NCBP1: variants seen among roughly 807,000 people sequenced by gnomAD.
NCBP1 encodes nuclear cap binding protein subunit 1.
Under a neutral mutation model 111.7 loss-of-function variants are expected in NCBP1, and 16 were observed. The observed-to-expected ratio is 0.14, with a 90% CI of 0.10 to 0.22. The LOEUF (loss-of-function observed/expected upper bound fraction) is 0.22, where lower values mean the gene tolerates loss of function less well. Among genes scored for constraint, NCBP1 ranks in the 10% least tolerant of loss-of-function variants. The pLI is 1.00. For synonymous variants in NCBP1, 304 were observed against 314.3 expected, an observed-to-expected ratio of 0.97 and a Z score of 0.35; for missense variants, 607 against 957.5, an observed-to-expected ratio of 0.63 and a Z score of 4.83.
chr9:97,659,139 A>C (rs1827755596), intron 15 of NCBP1, among the ~76,000 whole-genome samples: 2 of 152,226 alleles, frequency 1.3e-5, no homozygotes, highest in African/African-American at 4.8e-5. Flanking sequence ...GTAAATTCTT[A>C]ATTATGATTT....
chr9:97,672,288 A>G lies in NCBP1; in HGVS notation c.*1089A>G, dbSNP rs1260419210. 6.6e-6 allele frequency: 1 copy of G among 152,040 alleles called. No individual in the cohort carries two copies. The highest frequency in any genetic ancestry group is 1.5e-5 in the Non-Finnish European group (1 of 67,972). The allele number at this position is 152,040 out of a possible 1,614,324, so 9.4% of individuals were successfully genotyped here. ...ACAACTACTGGTAGTGTTGTTGTGC[A>G]TTTGCACAAAATAGGTATAATTTTT... On this transcript the variant is annotated 3_prime_UTR_variant, in exon 23 of 23. Coordinates refer to ENST00000375147, the MANE Select transcript of NCBP1 (RefSeq NM_002486.5).
intron 10 of NCBP1, among the ~76,000 whole-genome samples, chr9:97,652,384 C>G (rs1438231749): frequency 6.6e-6 from 1 of 152,112 alleles, no homozygotes; most frequent in Non-Finnish European, 1.5e-5. Context: ...TTGCGGGGCT[C>G]AGGCAGGCTG....
At chr9:97,638,685 G>T (rs1032414880) in intron 1 of NCBP1, among the ~76,000 whole-genome samples, 1 of 152,146 alleles carries the variant, frequency 6.6e-6, no homozygotes, top group South Asian at 2.1e-4. Context: ...TCTAGAATAC[G>T]GTTTCTTAAC....
intron 1 of NCBP1, chr9:97,634,610 C>T (rs1826942787): frequency 6.6e-6 from 1 of 152,064 alleles, no homozygotes. Flanking sequence ...ATCAGTGTTG[C>T]CTTCATAAAG....
rs1564033016 is a variant in NCBP1, at chr9:97,672,092, C to T, written c.*893C>T. On this transcript the variant is annotated 3_prime_UTR_variant, in exon 23 of 23. Transcript: ENST00000375147. ...AGATTTTGTTTATATGGAACCTGATCCAAAAAACTACGAAGTCCTGAGCTT... is the reference window on the plus strand; with the variant it reads ...AGATTTTGTTTATATGGAACCTGATTCAAAAAACTACGAAGTCCTGAGCTT... 6.6e-6 allele frequency: 1 copy of T among 152,212 alleles called. No homozygotes were observed. The highest frequency in any genetic ancestry group is 1.9e-4 in the East Asian group (1 of 5,178). The allele number at this position is 152,212 out of a possible 1,614,324, so 9.4% of individuals were successfully genotyped here.
At chr9:97,653,754 A>T in intron 10 of NCBP1, 44 bp from the exon 11 acceptor site, 2 of 1,457,678 alleles carry the variant, frequency 1.4e-6, no homozygotes, top group Non-Finnish European at 1.9e-6. Context: ...TAGAAGTGCA[A>T]AGATAGCAGT....
chr9:97,647,132 G>C (rs1361232401), intron 6 of NCBP1, among the ~76,000 whole-genome samples: 1 of 151,970 alleles, frequency 6.6e-6, no homozygotes, highest in Non-Finnish European at 1.5e-5. Context: ...GAATATCTTT[G>C]TGTATATGTT....
rs900087413 is a variant in NCBP1 at position 97,671,405 on chromosome 9, C to T, written c.*206C>T. The T allele has an allele frequency of 7.9e-6, 4 of 505,062 alleles. No homozygotes were observed. Among genetic ancestry groups the T allele is most frequent in the African/African-American group, 3.9e-5 (2 of 51,138 alleles). 31.3% of individuals were successfully genotyped at this position (505,062 alleles called of 1,614,324 possible). A position where few individuals can be genotyped will look rare whatever the true frequency, so the allele number is the denominator to read the frequency against. On this transcript the variant is annotated 3_prime_UTR_variant, in exon 23 of 23. Coordinates refer to ENST00000375147, the MANE Select transcript of NCBP1 (RefSeq NM_002486.5). ...CCTAACGGCAGTAATGTGACTATGA[C>T]CATGATATATTATATATGTGACAGA... is the stretch of plus-strand genomic sequence containing the variant.
At chr9:97,665,824 C>T (rs1827984944) in intron 19 of NCBP1, among the ~76,000 whole-genome samples, 1 of 125,032 alleles carries the variant, frequency 8.0e-6, no homozygotes, top group Admixed American at 1.1e-4. Flanking sequence ...TAACTAGTAG[C>T]CTACTGTTGA....
chr9:97,655,845 TATTTA>T, intron 13 of NCBP1, 81 bp downstream of exon 13: 2 of 1,421,272 alleles, frequency 1.4e-6, no homozygotes, highest in Non-Finnish European at 1.9e-6. Context: ...GTGTCTGAAA[TATTTA>T]ATTTCTTGGA....
At chr9:97,658,966 C>G (rs1017399689) in intron 15 of NCBP1, among the ~76,000 whole-genome samples, 2 of 152,080 alleles carry the variant, frequency 1.3e-5, no homozygotes, top group Admixed American at 6.5e-5. Context: ...CATTTTTTCT[C>G]TTTTGAATGT....
chr9:97,638,199 C>A (rs550212993), intron 1 of NCBP1, among the ~76,000 whole-genome samples: 1 of 152,276 alleles, frequency 6.6e-6, no homozygotes, highest in East Asian at 1.9e-4. Context: ...GTAGTCTTCA[C>A]CCCTTTATAG....
intron 3 of NCBP1, among the ~76,000 whole-genome samples, chr9:97,642,502 A>G (rs769806569): frequency 6.6e-6 from 1 of 152,084 alleles, no homozygotes; most frequent in Admixed American, 6.6e-5. Context: ...AGCTAATTCT[A>G]AAGGCTGCCT....
In NCBP1 at chr9:97,671,108, A is replaced by T. The variant is rs775998628; in HGVS notation, c.2282A>T (p.Tyr761Phe). The T allele has an allele frequency of 1.4e-5, 23 of 1,612,186 alleles. No homozygotes were observed. The highest frequency in any genetic ancestry group is 1.9e-5 in the Non-Finnish European group (22 of 1,178,286). ...FLQHHQIIQQ[Y>F]MVTLENLLFT... ...CAGCATCACCAAATAATCCAGCAGT[A>T]CATGGTGACCCTGGAGAACCTTCTC... The change falls in exon 23 of 23, where the codon TAC (tyrosine) becomes TTC (phenylalanine). Residue 761 changes from tyrosine to phenylalanine, a missense_variant. Physicochemically the swap from Tyr to Phe is conservative, Grantham distance 22. This residue lies in a region of NCBP1 where 8 missense variants were observed against 35.0 expected (regional missense o/e 0.23). Transcript: ENST00000375147.
chr9:97,638,062 T>A (rs1158944743), intron 1 of NCBP1, among the ~76,000 whole-genome samples: 1 of 152,226 alleles, frequency 6.6e-6, no homozygotes, highest in Non-Finnish European at 1.5e-5. Context: ...ATACGTTTTC[T>A]TCAGGGTACA....
intron 1 of NCBP1, among the ~76,000 whole-genome samples, chr9:97,635,264 C>G (rs1342008141): frequency 1.3e-5 from 2 of 152,200 alleles, no homozygotes; most frequent in South Asian, 4.1e-4. Context: ...GGACAGCTGT[C>G]AGTTCCCAAA....
Position 97,671,473 on chromosome 9 carries a change from A to C in NCBP1, c.*274A>C, listed in dbSNP as rs1190430195. 3.0e-6 allele frequency: 1 copy of C among 331,640 alleles called. No homozygotes were observed. The highest frequency in any genetic ancestry group is 2.2e-5 in the African/African-American group (1 of 46,244). 20.5% of individuals were successfully genotyped at this position (331,640 alleles called of 1,614,324 possible). The stretch of plus-strand genomic sequence containing the variant: ...CAGTTTGTTATTTTTTTTCTCCTTA[A>C]GGCACAAAATAATTGGTTTGAGGTA... On this transcript the variant is annotated 3_prime_UTR_variant, in exon 23 of 23. Transcript: ENST00000375147.
chr9:97,645,772 A>T (rs1827314809), intron 6 of NCBP1, 40 bp downstream of exon 6: 11 of 1,603,732 alleles, frequency 6.9e-6, no homozygotes, highest in Non-Finnish European at 9.4e-6. Flanking sequence ...TGCTTAGGTA[A>T]AGGATATCTT....
intron 1 of NCBP1, among the ~76,000 whole-genome samples, chr9:97,638,402 TTTTC>T (rs1827113727): frequency 6.6e-6 from 1 of 152,114 alleles, no homozygotes; most frequent in South Asian, 2.1e-4. Context: ...CACAGCACTA[TTTTC>T]CCCTTTTCAA....
Sources: allele counts gnomAD v4.1 joint callset (sites outside exome capture counted in the v4.1 genomes callset), GRCh38; gene constraint gnomAD v4.1.1; regional missense constraint gnomAD v4.1.1; transcripts MANE v1.5; gene names NCBI Gene and HGNC (gene_info 2026-07-23, HGNC 2026-07-21).